The following MAP4K1 variants were observed in gnomAD, a reference collection of about 807,000 sequenced individuals.
MAP4K1 encodes the protein mitogen-activated protein kinase kinase kinase kinase 1.
Under a neutral mutation model 122.8 loss-of-function variants are expected in MAP4K1, and 35 were observed. That is an observed-to-expected ratio of 0.29 (90% CI 0.22 to 0.38). The LOEUF (loss-of-function observed/expected upper bound fraction) is 0.38. MAP4K1 is among the 10% of genes least tolerant of loss of function. The probability of loss-of-function intolerance (pLI) is 1.00; values close to 1 mark genes in which losing one functional copy is unlikely to be tolerated. For missense variants in MAP4K1, 791 were observed against 1,072.6 expected, an observed-to-expected ratio of 0.74 and a Z score of 3.67; for synonymous variants, 412 against 421.3, an observed-to-expected ratio of 0.98 and a Z score of 0.27.
chr19:38,603,168 A>T (rs1255022932), intron 19 of MAP4K1, among the ~76,000 whole-genome samples: 1 of 149,920 alleles, frequency 6.7e-6, no homozygotes, highest in Non-Finnish European at 1.5e-5. Context: ...GTATACATAT[A>T]TACACATGTA....
At position 38,600,151 on chromosome 19, in the gene MAP4K1, G is replaced by C. The variant is rs1160495253; in HGVS notation, c.1534C>G (p.Gln512Glu). 1 of 1,613,898 alleles carries C rather than the reference G, an allele frequency of 6.2e-7. No homozygotes were observed. Among genetic ancestry groups the C allele is most frequent in the Non-Finnish European group, 8.5e-7 (1 of 1,179,924 alleles). ...TCCTCTGCCCCCAGGAGCAGGTGCT[G>C]GTCTGGAGGCACAGACAAGGACGCT... ...AAWTHPSTKD[Q>E]HLLLGAEEGI... Residue 512 changes from glutamine (Q) to glutamate (E), a missense_variant and splice_region_variant, in exon 21 of 31, where the codon CAG becomes GAG. By Grantham distance (29) the Gln-to-Glu change is conservative. Coordinates refer to ENST00000396857, the MANE Select transcript of MAP4K1 (RefSeq NM_001042600.3).
At chr19:38,602,827 T>C (rs1041136862) in intron 19 of MAP4K1, among the ~76,000 whole-genome samples, 3 of 149,080 alleles carry the variant, frequency 2.0e-5, no homozygotes, top group African/African-American at 7.4e-5. Flanking sequence ...CACATGTACA[T>C]ATATACGCAT....
rs1031880178 is a variant in MAP4K1, at chr19:38,597,725, GTCAT to G, written c.1670-135_1670-132del. 1.4e-5 allele frequency: 9 copies of G among 620,726 alleles called. No individual in the cohort carries two copies. The highest frequency in any genetic ancestry group is 4.0e-5 in the South Asian group (2 of 49,384). The allele number at this position is 620,726 out of a possible 1,614,324, so 38.5% of individuals were successfully genotyped here. A position where few individuals can be genotyped will look rare whatever the true frequency, so the allele number is the denominator to read the frequency against. On this transcript the variant is annotated intron_variant, in intron 22 of 30. Transcript: ENST00000396857. The surrounding 1 kb of genome is among the most constrained non-coding windows in gnomAD (Gnocchi z 4.6). ...CCAAGCCTGCAAGTCTCAAGTACTT[GTCAT>G]TCATTCATTCATTTCTCACTCCACA... is the stretch of plus-strand genomic sequence containing the variant.
In MAP4K1 at chr19:38,596,292, C is replaced by A; in HGVS notation, c.2116+20G>T. 6.5e-7 allele frequency: 1 copy of A among 1,534,512 alleles called. No individual in the cohort carries two copies. Among genetic ancestry groups the A allele is most frequent in the Non-Finnish European group, 8.8e-7 (1 of 1,138,706 alleles). ...CGGATCTGATAAGCCCCGCCCTCAG[C>A]AAGACTCCGCCCCACTCACCGGTGC... On this transcript the variant is annotated intron_variant, in intron 26 of 30. Transcript: ENST00000396857.
chr19:38,616,404 A>C, intron 3 of MAP4K1, 145 bp from the exon 4 acceptor site: 1 of 567,866 alleles, frequency 1.8e-6, no homozygotes, highest in Non-Finnish European at 3.0e-6. Context: ...CTTGTCTACC[A>C]GAGTGAGGTT....
intron 20 of MAP4K1, among the ~76,000 whole-genome samples, chr19:38,600,509 C>T (rs1975028485): frequency 6.6e-6 from 1 of 152,076 alleles, no homozygotes; most frequent in Non-Finnish European, 1.5e-5. Context: ...CTAACATTGA[C>T]CTTCAAACTC....
chr19:38,595,396 T>A (rs1974842653), intron 29 of MAP4K1, 89 bp downstream of exon 29: 1 of 1,348,708 alleles, frequency 7.4e-7, no homozygotes, highest in Non-Finnish European at 1.1e-6. Context: ...GACTTCACAC[T>A]CTGACTCAGG....
At position 38,587,875 on chromosome 19, in the gene MAP4K1, T is replaced by C. The variant is rs796091931; in HGVS notation, c.2397-58A>G. On this transcript the variant is annotated intron_variant, in intron 30 of 30. Transcript: ENST00000396857. ...TTCATTCATATGTTCATTGATTCAT[T>C]AATTCACAAAGTAGTTAATAGAGAC... The C allele has an allele frequency of 5.9e-6, 8 of 1,349,398 alleles. No homozygotes were observed. In the African/African-American group the frequency reaches 8.6e-5, roughly 14 times the overall value. The allele number at this position is 1,349,398 out of a possible 1,614,324, so 83.6% of individuals were successfully genotyped here. A position where few individuals can be genotyped will look rare whatever the true frequency, so the allele number is the denominator to read the frequency against.
At position 38,596,494 on chromosome 19, in the gene MAP4K1, C is replaced by T; in HGVS notation, c.1942-8G>A. On this transcript the variant is annotated splice_polypyrimidine_tract_variant and splice_region_variant and intron_variant, in intron 25 of 30. Coordinates refer to ENST00000396857, the MANE Select transcript of MAP4K1 (RefSeq NM_001042600.3). Reference sequence around the variant, plus strand: ...CAGTGGGAACAGCACCTGCTGCGGGCCGCACAGGGAGGGGCGGGCTAGGGG... The same window carrying T: ...CAGTGGGAACAGCACCTGCTGCGGGTCGCACAGGGAGGGGCGGGCTAGGGG... 6.5e-7 allele frequency: 1 copy of T among 1,542,012 alleles called. No homozygotes were observed. Among genetic ancestry groups the T allele is most frequent in the Non-Finnish European group, 8.7e-7 (1 of 1,145,506 alleles).
chr19:38,613,760 C>G, intron 8 of MAP4K1, 120 bp downstream of exon 8: 1 of 755,030 alleles, frequency 1.3e-6, no homozygotes, highest in East Asian at 2.7e-5. Context: ...ATGAAAGAAT[C>G]TTCCAAGGAG....
rs1267464111 is a variant in MAP4K1 at position 38,611,287 on chromosome 19, G to T, written c.684C>A (p.Thr228=). 4 of 1,613,232 alleles carry T rather than the reference G, an allele frequency of 2.5e-6. No homozygotes were observed. Among genetic ancestry groups the T allele is most frequent in the Middle Eastern group, 1.7e-4 (1 of 6,048 alleles). ...GTCGGGGAGGCTGGTAGCCACTCTTGGTCATGAGGAAGAGAACTCTAGAAT... is the reference window on the plus strand; with the variant it reads ...GTCGGGGAGGCTGGTAGCCACTCTTTGTCATGAGGAAGAGAACTCTAGAAT... ...VHPLRVLFLM[T]KSGYQPPRLK... is the part of the protein sequence containing the mutation. Residue 228 remains threonine (T), a synonymous_variant, in exon 10 of 31, where the codon ACC becomes ACA. Transcript: ENST00000396857.
chr19:38,610,372 A>ATTTTTTTTTTTTTTTTTTT (rs35103992), intron 11 of MAP4K1, among the ~76,000 whole-genome samples: 3 of 76,196 alleles, frequency 3.9e-5, no homozygotes, highest in African/African-American at 1.8e-4. Flanking sequence ...CGCCCAGCTA[A>ATTTTTTTTTTTTTTTTTTT]TTTTTTTTTT....
intron 16 of MAP4K1, among the ~76,000 whole-genome samples, chr19:38,607,436 T>G (rs1236604904): frequency 6.6e-6 from 1 of 151,604 alleles, no homozygotes; most frequent in Non-Finnish European, 1.5e-5. Flanking sequence ...GGCAGGTGCC[T>G]GTAATCCCAG....
chr19:38,613,636 G>C (rs1235090810), intron 8 of MAP4K1, among the ~76,000 whole-genome samples: 4 of 151,902 alleles, frequency 2.6e-5, no homozygotes, highest in African/African-American at 9.7e-5. Context: ...GACAGAAATG[G>C]ATATGGAGGG....
At chr19:38,615,265 A>C (rs1975616103) in intron 4 of MAP4K1, among the ~76,000 whole-genome samples, 1 of 151,654 alleles carries the variant, frequency 6.6e-6, no homozygotes, top group East Asian at 1.9e-4. Context: ...AGGAGGTGAG[A>C]TTGGCCAGCA....
intron 22 of MAP4K1, among the ~76,000 whole-genome samples, chr19:38,598,785 G>A (rs979483337): frequency 2.6e-5 from 4 of 151,994 alleles, no homozygotes; most frequent in African/African-American, 2.4e-5. Flanking sequence ...GGGCTGAGAC[G>A]AGTGGATCAC....
At position 38,612,611 on chromosome 19, in the gene MAP4K1, C is replaced by A; in HGVS notation, c.665G>T (p.Arg222Ile). 1 of 1,612,424 alleles carries A rather than the reference C, an allele frequency of 6.2e-7. No homozygotes were observed. The highest frequency in any genetic ancestry group is 8.5e-7 in the Non-Finnish European group (1 of 1,179,770). Residue 222 changes from arginine (R) to isoleucine (I), a missense_variant and splice_region_variant, in exon 9 of 31, where the codon AGA (arginine) becomes ATA (isoleucine). This residue lies in a region of MAP4K1 where 163 missense variants were observed against 286.1 expected (regional missense o/e 0.57). Transcript: ENST00000396857. ...QPPLFDVHPL[R>I]VLFLMTKSGY... ...GCCTGGGGACCCCACGCCTGCCTAC[C>A]TGAGAGGGTGCACATCAAAGAGCGG... is the stretch of plus-strand genomic sequence containing the variant.
At chr19:38,601,962 G>A (rs992722350) in intron 19 of MAP4K1, among the ~76,000 whole-genome samples, 11 of 152,034 alleles carry the variant, frequency 7.2e-5, no homozygotes, top group African/African-American at 2.7e-4. Flanking sequence ...ATTTTTAGTA[G>A]AGATGGAGTT....
At chr19:38,592,218 G>A (rs1432304994) in intron 30 of MAP4K1, among the ~76,000 whole-genome samples, 1 of 152,118 alleles carries the variant, frequency 6.6e-6, no homozygotes, top group African/African-American at 2.4e-5. Context: ...AGACTGCAGT[G>A]AGCTGTGTGT....
Sources: allele counts gnomAD v4.1 joint callset (sites outside exome capture counted in the v4.1 genomes callset), GRCh38; gene constraint gnomAD v4.1.1; regional missense constraint gnomAD v4.1.1; non-coding constraint Gnocchi (gnomAD v3.1); transcripts MANE v1.5; gene names NCBI Gene and HGNC (gene_info 2026-07-23, HGNC 2026-07-21).